The following SYT10 variants were observed in gnomAD, a reference collection of about 807,000 sequenced individuals.
The protein encoded by SYT10 is synaptotagmin 10.
Under a neutral mutation model 51.1 loss-of-function variants are expected in SYT10, and 31 were observed. The ratio of observed to expected loss-of-function variants is 0.61; its 90% CI spans 0.46 to 0.82. SYT10 has a LOEUF of 0.82. Among genes scored for constraint, SYT10 ranks in the 40% least tolerant of loss-of-function variants. The pLI is 0.00. For synonymous variants in SYT10, 233 were observed against 225.9 expected (o/e 1.03, Z -0.28); for missense variants, 603 against 634.0 (o/e 0.95, Z 0.53).
In SYT10 at chr12:33,385,167, A is replaced by G; in HGVS notation, c.1198+4T>C. On this transcript the variant is annotated splice_donor_region_variant and intron_variant, in intron 4 of 6. Coordinates refer to ENST00000228567, the MANE Select transcript of SYT10 (RefSeq NM_198992.4). ...CCTTGGTCCTGTGGCCATTGTGTAC[A>G]TACCTGATGAGCCAGTAATATCCAT... 2 of 1,613,594 alleles carry G rather than the reference A, an allele frequency of 1.2e-6. No homozygotes were observed. Among genetic ancestry groups the G allele is most frequent in the Non-Finnish European group, 1.7e-6 (2 of 1,179,688 alleles).
At chr12:33,438,957 G>C (rs1866659913) in intron 1 of SYT10, among the ~76,000 whole-genome samples, 1 of 152,246 alleles carries the variant, frequency 6.6e-6, no homozygotes, top group Non-Finnish European at 1.5e-5. Context: ...GCGGCCGGTG[G>C]AACGAGCGAG....
chr12:33,380,806 T>C (rs1482523791), intron 5 of SYT10, among the ~76,000 whole-genome samples: 2 of 152,160 alleles, frequency 1.3e-5, no homozygotes, highest in Admixed American at 6.5e-5. Context: ...AGAGCACTTG[T>C]GGTTAAGTTG....
intron 3 of SYT10, among the ~76,000 whole-genome samples, chr12:33,398,870 A>G (rs1249613047): frequency 1.3e-5 from 2 of 152,192 alleles, no homozygotes; most frequent in South Asian, 2.1e-4. Flanking sequence ...TATAATTAAC[A>G]CTTAGAGAGA....
At chr12:33,394,094 T>C (rs1423578632) in intron 3 of SYT10, among the ~76,000 whole-genome samples, 1 of 152,334 alleles carries the variant, frequency 6.6e-6, no homozygotes, top group East Asian at 1.9e-4. Flanking sequence ...ATGATAACAG[T>C]GTGTTTGGGC....
intron 1 of SYT10, 52 bp downstream of exon 1, chr12:33,439,320 C>G: frequency 6.4e-7 from 1 of 1,570,042 alleles, no homozygotes; most frequent in Non-Finnish European, 8.6e-7. Flanking sequence ...TGCAGCCTAG[C>G]GCGCGGGGTC....
At chr12:33,393,002 A>G (rs1444458548) in intron 3 of SYT10, among the ~76,000 whole-genome samples, 1 of 150,066 alleles carries the variant, frequency 6.7e-6, no homozygotes, top group Non-Finnish European at 1.5e-5. Context: ...AAAAAAAAAA[A>G]AAAAAAAAAA....
At chr12:33,420,168 A>G (rs117787115) in intron 2 of SYT10, among the ~76,000 whole-genome samples, 2,335 of 152,270 alleles carry the variant, frequency 0.015, 30 homozygotes, top group Non-Finnish European at 0.024. Flanking sequence ...TACTGCAAAT[A>G]GTGTATTGAA....
chr12:33,427,630 T>C (rs1208397352), intron 1 of SYT10, among the ~76,000 whole-genome samples: 1 of 152,218 alleles, frequency 6.6e-6, no homozygotes, highest in Admixed American at 6.5e-5. Flanking sequence ...AACAAGCTTA[T>C]TGTATTTTAT....
At chr12:33,391,251 TA>T (rs201952397) in intron 3 of SYT10, among the ~76,000 whole-genome samples, 1,619 of 152,014 alleles carry the variant, frequency 0.011, 85 homozygotes, top group Admixed American at 0.081. Flanking sequence ...TATTTTATTT[TA>T]TTTTTTTTTA....
intron 4 of SYT10, 90 bp downstream of exon 4, chr12:33,385,081 A>T: frequency 6.7e-7 from 1 of 1,493,524 alleles, no homozygotes; most frequent in Non-Finnish European, 9.0e-7. Flanking sequence ...CATTATAGGC[A>T]AATAATTCAG....
chr12:33,438,580 T>C (rs1708282702), intron 1 of SYT10, among the ~76,000 whole-genome samples: 1 of 152,186 alleles, frequency 6.6e-6, no homozygotes, highest in Admixed American at 6.5e-5. Flanking sequence ...CGACGGTCGA[T>C]ATCCTCCTGC....
rs2138375413 is a variant in SYT10 at position 33,375,593 on chromosome 12, G to C, written c.*1237C>G. On this transcript the variant is annotated 3_prime_UTR_variant, in exon 7 of 7. Transcript: ENST00000228567. The stretch of plus-strand genomic sequence containing the variant: ...AAAGTTCTGTCTTGTAAAAACACTT[G>C]CATAGTTTTTACATGTAGTGGCCTG... The C allele has an allele frequency of 6.6e-6, 1 of 152,136 alleles. No individual in the cohort carries two copies. The highest frequency in any genetic ancestry group is 2.4e-5 in the African/African-American group (1 of 41,530). 9.4% of individuals were successfully genotyped at this position (152,136 alleles called of 1,614,324 possible).
intron 3 of SYT10, among the ~76,000 whole-genome samples, chr12:33,401,458 T>C (rs1866303544): frequency 6.6e-6 from 1 of 152,146 alleles, no homozygotes; most frequent in Admixed American, 6.5e-5. Flanking sequence ...TTCACCTTTA[T>C]TGTTTCTTTT....
intron 2 of SYT10, among the ~76,000 whole-genome samples, chr12:33,421,333 C>T (rs1007359373): frequency 6.6e-6 from 1 of 152,112 alleles, no homozygotes; most frequent in Non-Finnish European, 1.5e-5. Flanking sequence ...ATTACAGTTC[C>T]TAATTATTTT....
intron 3 of SYT10, among the ~76,000 whole-genome samples, chr12:33,388,859 C>T: frequency 6.6e-6 from 1 of 152,140 alleles, no homozygotes; most frequent in Non-Finnish European, 1.5e-5. Context: ...AAATAAAAGT[C>T]ACTGGAAAGA....
In SYT10 at chr12:33,426,317, A is replaced by C; in HGVS notation, c.330T>G (p.Thr110=). The C allele has an allele frequency of 6.2e-7, 1 of 1,613,858 alleles. No homozygotes were observed. The change falls in exon 2 of 7, where the codon ACT becomes ACG. Residue 110 remains threonine, a synonymous_variant. Coordinates refer to ENST00000228567, the MANE Select transcript of SYT10 (RefSeq NM_198992.4). ...ISSAPTEVFE[T]EEKKEIKENE... ...TTTCCTTAATTTCTTTTTTCTCTTCAGTCTCAAAAACTTCAGTAGGAGCAC... is the reference window on the plus strand; with the variant it reads ...TTTCCTTAATTTCTTTTTTCTCTTCCGTCTCAAAAACTTCAGTAGGAGCAC...
intron 1 of SYT10, chr12:33,433,002 T>C (rs1214464919): frequency 6.6e-6 from 1 of 152,116 alleles, no homozygotes; most frequent in East Asian, 1.9e-4. Flanking sequence ...CAATAGTCTA[T>C]GTGAGGCATG....
rs747501420 is a variant in SYT10, at chr12:33,407,330, G to C, written c.536C>G (p.Pro179Arg). ...AACACTGGAAACCTGCATTTGCCTC[G>C]GCAGGTGTCTTCGGAAGGAACTGTG... ...TRHSSFRRHL[P>R]RQMQVSSVDF... The change falls in exon 3 of 7, where the codon CCG (proline) becomes CGG (arginine). Residue 179 changes from proline to arginine, a missense_variant. By Grantham distance (103) the Pro-to-Arg change is moderately radical. Transcript: ENST00000228567. 1.2e-6 allele frequency: 2 copies of C among 1,607,020 alleles called. No homozygotes were observed. The highest frequency in any genetic ancestry group is 3.3e-5 in the Admixed American group (2 of 60,002).
Position 33,376,722 on chromosome 12 carries a change from A to G in SYT10, c.*108T>C. 7.9e-7 allele frequency: 1 copy of G among 1,259,996 alleles called. No homozygotes were observed. Among genetic ancestry groups the G allele is most frequent in the South Asian group, 1.3e-5 (1 of 75,180 alleles). 78.1% of individuals were successfully genotyped at this position (1,259,996 alleles called of 1,614,324 possible). ...AAAAAAGTGCACATCAAGTTTGTTC[A>G]TTAGTACGGATATATTTCAAATGAG... On this transcript the variant is annotated 3_prime_UTR_variant, in exon 7 of 7. Transcript: ENST00000228567.
Sources: allele counts gnomAD v4.1 joint callset (sites outside exome capture counted in the v4.1 genomes callset), GRCh38; gene constraint gnomAD v4.1.1; transcripts MANE v1.5; gene names NCBI Gene and HGNC (gene_info 2026-07-23, HGNC 2026-07-21).